Variants in FAM227A observed in about 807,000 individuals in gnomAD.
FAM227A encodes the protein protein FAM227A.
A neutral mutation model predicts 74.7 loss-of-function variants in FAM227A; 80 were observed. The observed-to-expected ratio is 1.07, with a 90% CI of 0.89 to 1.29. The LOEUF is 1.29. Among genes scored for constraint, FAM227A ranks in the 50% most tolerant of loss-of-function variants. The probability of loss-of-function intolerance (pLI) is 0.00; values close to 1 mark genes in which losing one functional copy is unlikely to be tolerated. For missense variants in FAM227A, 654 were observed against 683.4 expected (o/e 0.96, Z 0.48); for synonymous variants, 237 against 241.8 (o/e 0.98, Z 0.19).
At chr22:38,606,306 A>G (rs2091281496) in intron 12 of FAM227A, among the ~76,000 whole-genome samples, 1 of 152,136 alleles carries the variant, frequency 6.6e-6, no homozygotes, top group African/African-American at 2.4e-5. Flanking sequence ...AGCTCAGACT[A>G]CAGATGTGCA....
At position 38,639,711 on chromosome 22, in the gene FAM227A, A is replaced by G; in HGVS notation, c.239T>C (p.Phe80Ser). Residue 80 changes from phenylalanine to serine, a missense_variant, in exon 4 of 17, where the codon TTT (phenylalanine) becomes TCT (serine). By Grantham distance (155) the Phe-to-Ser change is radical. Coordinates refer to ENST00000535113, the MANE Select transcript of FAM227A (RefSeq NM_001013647.2). ...PSANSLAIER[F>S]ELEKKALREK... ...TCTTAAAGCCTTCTTCTCCAACTCAAATCTCTCAATTGCCTTCAAAAACCA... is the reference window on the plus strand; with the variant it reads ...TCTTAAAGCCTTCTTCTCCAACTCAGATCTCTCAATTGCCTTCAAAAACCA... The G allele has an allele frequency of 1.9e-6, 3 of 1,551,316 alleles. No individual in the cohort carries two copies. The highest frequency in any genetic ancestry group is 2.6e-6 in the Non-Finnish European group (3 of 1,146,490).
chr22:38,611,938 A>C lies in FAM227A; in HGVS notation c.1039-4462T>G, dbSNP rs62228952. 3.3e-3 allele frequency among the ~76,000 whole-genome samples: 510 copies of C among 152,272 alleles called. 2 individuals carry two copies. Among genetic ancestry groups the C allele is most frequent in the Non-Finnish European group, 5.8e-3 (394 of 68,024 alleles). The stretch of plus-strand genomic sequence containing the variant: ...ACCCAAACCCTACGCTGTCCATCTC[A>C]GTAAATGGCACCATTCAGATGCTGA... On this transcript the variant is annotated intron_variant, in intron 11 of 16. Coordinates refer to ENST00000535113, the MANE Select transcript of FAM227A (RefSeq NM_001013647.2).
At chr22:38,604,234 C>T (rs1385412037) in intron 13 of FAM227A, among the ~76,000 whole-genome samples, 2 of 151,998 alleles carry the variant, frequency 1.3e-5, no homozygotes, top group African/African-American at 4.8e-5. Flanking sequence ...GGCTGAGACA[C>T]GAGAATCACT....
chr22:38,639,935 CCTT>C (rs948217090), intron 3 of FAM227A, among the ~76,000 whole-genome samples: 2 of 152,136 alleles, frequency 1.3e-5, no homozygotes, highest in African/African-American at 4.8e-5. Context: ...TCACACTGCC[CCTT>C]CTTCTAGGAG....
At position 38,583,477 on chromosome 22, in the gene FAM227A, GA is replaced by G. The variant is rs1262684286; in HGVS notation, c.*2647del. 6.4e-6 allele frequency: 1 copy of G among 157,462 alleles called. No homozygotes were observed. The highest frequency in any genetic ancestry group is 2.4e-5 in the African/African-American group (1 of 41,412). The allele number at this position is 157,462 out of a possible 1,614,324, so 9.8% of individuals were successfully genotyped here. On this transcript the variant is annotated 3_prime_UTR_variant, in exon 17 of 17. Transcript: ENST00000535113. ...GGCATGAGCCACTGCACCCGGCCAA[GA>G]AGAGTACACTTTATAACAGCAATAA...
chr22:38,640,619 G>A (rs2145677443), intron 3 of FAM227A, among the ~76,000 whole-genome samples: 1 of 152,324 alleles, frequency 6.6e-6, no homozygotes, highest in East Asian at 1.9e-4. Flanking sequence ...GTATGAGTCT[G>A]TGTTTTTGCC....
At chr22:38,630,734 C>T (rs13054492) in intron 6 of FAM227A, among the ~76,000 whole-genome samples, 8,540 of 152,274 alleles carry the variant, frequency 0.056, 380 homozygotes, top group East Asian at 0.19. Context: ...CATAGACTCC[C>T]TGCCCTCCAG....
At position 38,628,231 on chromosome 22, in the gene FAM227A, T is replaced by C; in HGVS notation, c.726+7A>G. On this transcript the variant is annotated splice_region_variant and intron_variant, in intron 8 of 16. Transcript: ENST00000535113. ...GACTTTTTTTCTAGATAGTGGCTGA[T>C]GCTCACTTTTAAGAGCGCCTCTTCA... 7 of 1,500,150 alleles carry C rather than the reference T, an allele frequency of 4.7e-6. 1 individual carries two copies. The highest frequency in any genetic ancestry group is 6.4e-6 in the Non-Finnish European group (7 of 1,100,346). The allele number at this position is 1,500,150 out of a possible 1,614,324, so 92.9% of individuals were successfully genotyped here.
Position 38,616,048 on chromosome 22 carries a change from C to A in FAM227A, c.1038+4164G>T, listed in dbSNP as rs2091568955. Among the ~76,000 whole-genome samples the A allele has an allele frequency of 2.6e-5, 4 of 152,070 alleles. No homozygotes were observed. The South Asian group carries it at 8.3e-4, about 32-fold the overall frequency. ...TTTGAAGCTACCAGACCAAATGAGG[C>A]CACCCAGGGAGAATATGTAGATACA... On this transcript the variant is annotated intron_variant, in intron 11 of 16. Coordinates refer to ENST00000535113, the MANE Select transcript of FAM227A (RefSeq NM_001013647.2).
rs778365838 is a variant in FAM227A, at chr22:38,639,765, C to T, written c.226-41G>A. 1.2e-5 allele frequency: 17 copies of T among 1,367,710 alleles called. No homozygotes were observed. In the South Asian group the frequency reaches 1.2e-4, roughly 10 times the overall value. The allele number at this position is 1,367,710 out of a possible 1,614,324, so 84.7% of individuals were successfully genotyped here. A position where few individuals can be genotyped will look rare whatever the true frequency, so the allele number is the denominator to read the frequency against. On this transcript the variant is annotated intron_variant, in intron 3 of 16. Transcript: ENST00000535113. ...AAAAGGGGGGCATTAGGGATTAATG[C>T]AAATCCTGGAGAAGGGTGGGGTTAG...
chr22:38,615,471 C>G (rs1013598078), intron 11 of FAM227A, among the ~76,000 whole-genome samples: 5 of 152,214 alleles, frequency 3.3e-5, no homozygotes, highest in African/African-American at 1.2e-4. Flanking sequence ...GACAGTGAAC[C>G]TGGCATCTGA....
At chr22:38,610,326 CCTGGCAAG>C (rs942687956) in intron 11 of FAM227A, among the ~76,000 whole-genome samples, 19 of 152,164 alleles carry the variant, frequency 1.2e-4, no homozygotes, top group African/African-American at 4.6e-4. Context: ...CTCCTGGCAA[CCTGGCAAG>C]GCTCATTCTT....
intron 3 of FAM227A, among the ~76,000 whole-genome samples, chr22:38,641,035 C>G (rs1396843694): frequency 1.3e-5 from 2 of 152,072 alleles, no homozygotes; most frequent in Non-Finnish European, 2.9e-5. Context: ...GTCACTGTAG[C>G]AATATAGCAA....
At chr22:38,610,996 G>A (rs891236640) in intron 11 of FAM227A, among the ~76,000 whole-genome samples, 5 of 152,168 alleles carry the variant, frequency 3.3e-5, no homozygotes, top group Non-Finnish European at 5.9e-5. Context: ...GGAGGCAGAG[G>A]TTGCAGTGAG....
chr22:38,631,857 G>T (rs574917173), intron 6 of FAM227A, among the ~76,000 whole-genome samples: 1 of 152,222 alleles, frequency 6.6e-6, no homozygotes, highest in Non-Finnish European at 1.5e-5. Flanking sequence ...TGTACAAGAC[G>T]CACTGGAGGG....
intron 14 of FAM227A, among the ~76,000 whole-genome samples, chr22:38,599,092 G>A (rs966163533): frequency 3.3e-5 from 5 of 151,978 alleles, no homozygotes; most frequent in South Asian, 4.2e-4. Context: ...AAGTAGCTGC[G>A]ATTATACAGG....
At chr22:38,644,861 G>A (rs2092199809) in intron 3 of FAM227A, among the ~76,000 whole-genome samples, 1 of 152,074 alleles carries the variant, frequency 6.6e-6, no homozygotes, top group Non-Finnish European at 1.5e-5. Context: ...ACTGAGGTGG[G>A]TGGATCACTT....
chr22:38,595,980 G>A (rs908213218), intron 15 of FAM227A, among the ~76,000 whole-genome samples: 1 of 149,206 alleles, frequency 6.7e-6, no homozygotes, highest in South Asian at 2.2e-4. Context: ...AGGGGGGGGG[G>A]GCAGGATACT....
rs532491488 is a variant in FAM227A at position 38,597,314 on chromosome 22, C to T, written c.1422G>A (p.Leu474=). The T allele has an allele frequency of 1.2e-4, 182 of 1,551,914 alleles. No homozygotes were observed. In the South Asian group the frequency reaches 1.7e-3, roughly 14 times the overall value. Residue 474 remains leucine, a synonymous_variant, in exon 15 of 17, where the codon CTG becomes CTA. Transcript: ENST00000535113. ...PTYTDVISET[L]CSMKKRKDNL... The stretch of plus-strand genomic sequence containing the variant: ...TGTCTTTCCGCTTCTTCATGCTGCA[C>T]AGGGTCTCGCTGATGACATCAGTAT...
Sources: allele counts gnomAD v4.1 joint callset (sites outside exome capture counted in the v4.1 genomes callset), GRCh38; gene constraint gnomAD v4.1.1; transcripts MANE v1.5; gene names NCBI Gene and HGNC (gene_info 2026-07-23, HGNC 2026-07-21).